The following CYP2C18 variants were observed in gnomAD, a reference collection of about 807,000 sequenced individuals.
CYP2C18 encodes the protein cytochrome P450 2C18.
CYP2C18 carries 38 observed loss-of-function variants against 41.3 expected under a neutral mutation model. The observed-to-expected ratio is 0.92, with a 90% CI of 0.71 to 1.21. The LOEUF (loss-of-function observed/expected upper bound fraction) is 1.21. CYP2C18 is among the 50% of genes most tolerant of loss of function. The pLI, the probability that CYP2C18 is intolerant of heterozygous loss-of-function variation, is 0.00. For synonymous variants in CYP2C18, 236 were observed against 210.0 expected, an observed-to-expected ratio of 1.12 and a Z score of -1.07; for missense variants, 635 against 591.4, an observed-to-expected ratio of 1.07 and a Z score of -0.77.
chr10:94,688,742 TTCAAA>T (rs1260584848), intron 3 of CYP2C18, among the ~76,000 whole-genome samples: 1 of 152,206 alleles, frequency 6.6e-6, no homozygotes. Flanking sequence ...TTGGTTTGTT[TTCAAA>T]TCATTACAGC....
intron 7 of CYP2C18, among the ~76,000 whole-genome samples, chr10:94,731,116 C>T (rs11188066): frequency 0.098 from 14,872 of 152,202 alleles, 1,071 homozygotes; most frequent in East Asian, 0.37. Context: ...TGCGGTGGCT[C>T]ATGCCCATAA....
intron 1 of CYP2C18, 139 bp downstream of exon 1, chr10:94,684,126 T>C (rs1354882647): frequency 1.8e-6 from 1 of 570,668 alleles, no homozygotes; most frequent in East Asian, 3.1e-5. Flanking sequence ...GATACATGTA[T>C]AGATTGTGAA....
chr10:94,728,219 G>T (rs1341464758), intron 7 of CYP2C18, among the ~76,000 whole-genome samples: 2 of 151,902 alleles, frequency 1.3e-5, no homozygotes, highest in Non-Finnish European at 2.9e-5. Flanking sequence ...GTCTGGTTTT[G>T]TTAGAATTTT....
At chr10:94,713,346 A>G (rs1847474946) in intron 5 of CYP2C18, among the ~76,000 whole-genome samples, 1 of 144,238 alleles carries the variant, frequency 6.9e-6, no homozygotes, top group Admixed American at 7.0e-5. Flanking sequence ...CCCACCCCAC[A>G]ATAGTCCCCC....
At chr10:94,714,030 T>C (rs1171024161) in intron 5 of CYP2C18, among the ~76,000 whole-genome samples, 3 of 152,312 alleles carry the variant, frequency 2.0e-5, no homozygotes, top group African/African-American at 7.2e-5. Flanking sequence ...TGGGGTTGTT[T>C]TTTTTCTTGT....
At chr10:94,690,609 G>A (rs1025955077) in intron 3 of CYP2C18, among the ~76,000 whole-genome samples, 2 of 152,044 alleles carry the variant, frequency 1.3e-5, no homozygotes, top group Non-Finnish European at 2.9e-5. Flanking sequence ...AGAGCTACAA[G>A]GTACCATTCC....
intron 5 of CYP2C18, among the ~76,000 whole-genome samples, chr10:94,708,501 CA>C (rs1589799756): frequency 6.6e-6 from 1 of 152,140 alleles, no homozygotes; most frequent in African/African-American, 2.4e-5. Flanking sequence ...GCTATGTCCT[CA>C]TTACTATATT....
chr10:94,731,076 A>G (rs1847823581), intron 7 of CYP2C18, among the ~76,000 whole-genome samples: 1 of 152,180 alleles, frequency 6.6e-6, no homozygotes, highest in African/African-American at 2.4e-5. Flanking sequence ...GGAAGAATCA[A>G]TACTGTTAAA....
chr10:94,703,396 C>T (rs1221306648), intron 4 of CYP2C18, among the ~76,000 whole-genome samples: 1 of 152,216 alleles, frequency 6.6e-6, no homozygotes, highest in East Asian at 1.9e-4. Flanking sequence ...TAGTCCCCTA[C>T]TGGGGCTGCT....
intron 5 of CYP2C18, among the ~76,000 whole-genome samples, chr10:94,708,076 C>A (rs1847373912): frequency 6.6e-6 from 1 of 152,170 alleles, no homozygotes; most frequent in South Asian, 2.1e-4. Context: ...TTTTATTCAA[C>A]CGCTTTACAG....
chr10:94,722,137 C>A (rs1183871049), intron 6 of CYP2C18, among the ~76,000 whole-genome samples: 3 of 152,024 alleles, frequency 2.0e-5, no homozygotes, highest in African/African-American at 7.2e-5. Context: ...CTGAGAAAAT[C>A]TGTATAGTCT....
intron 1 of CYP2C18, among the ~76,000 whole-genome samples, chr10:94,684,714 T>A (rs1846852316): frequency 6.6e-6 from 1 of 152,146 alleles, no homozygotes; most frequent in South Asian, 2.1e-4. Context: ...GGGTATATAC[T>A]GGTAGTGGGA....
At chr10:94,733,256 G>A (rs779584079) in intron 7 of CYP2C18, 41 bp from the exon 8 acceptor site, 21 of 1,587,662 alleles carry the variant, frequency 1.3e-5, no homozygotes, top group Non-Finnish European at 1.5e-5. Flanking sequence ...CCCACTCTTT[G>A]ACTTCTTTAT....
chr10:94,698,999 C>A (rs1004599474), intron 4 of CYP2C18, among the ~76,000 whole-genome samples: 1 of 151,994 alleles, frequency 6.6e-6, no homozygotes, highest in Non-Finnish European at 1.5e-5. Flanking sequence ...AACTTACCAA[C>A]CAAAAAAAGT....
rs777351687 is a variant in CYP2C18, at chr10:94,683,967, A to G, written c.148A>G (p.Met50Val). 5.6e-6 allele frequency: 9 copies of G among 1,607,756 alleles called. No individual in the cohort carries two copies. Among genetic ancestry groups the G allele is most frequent in the Non-Finnish European group, 5.9e-6 (7 of 1,177,058 alleles). Residue 50 changes from methionine to valine, a missense_variant, in exon 1 of 9, where the codon ATG (methionine) becomes GTG (valine). Coordinates refer to ENST00000285979, the MANE Select transcript of CYP2C18 (RefSeq NM_000772.3). The part of the protein sequence containing the change: ...GNILQLDVKD[M>V]SKSLTNFSKV... ...TATCCTGCAGTTAGATGTTAAGGACATGAGCAAATCCTTAACCAATGTAAG... is the reference window on the plus strand; with the variant it reads ...TATCCTGCAGTTAGATGTTAAGGACGTGAGCAAATCCTTAACCAATGTAAG...
chr10:94,735,602 T>C lies in CYP2C18; in HGVS notation c.*158T>C. The C allele has an allele frequency of 1.4e-6, 1 of 700,878 alleles. No homozygotes were observed. The highest frequency in any genetic ancestry group is 2.4e-6 in the Non-Finnish European group (1 of 417,014). The allele number at this position is 700,878 out of a possible 1,614,324, so 43.4% of individuals were successfully genotyped here. On this transcript the variant is annotated 3_prime_UTR_variant, in exon 9 of 9. Transcript: ENST00000285979. The stretch of plus-strand genomic sequence containing the variant: ...AGATCCAATGAACATCCAACCTCCA[T>C]TAAAGAGAGTTTCTTGGGTCACTTC...
At chr10:94,687,723 C>A in intron 1 of CYP2C18, 47 bp from the exon 2 acceptor site, 2 of 1,544,482 alleles carry the variant, frequency 1.3e-6, no homozygotes, top group Non-Finnish European at 8.8e-7. Context: ...ATATATAGAC[C>A]AAATACTGAG....
intron 4 of CYP2C18, among the ~76,000 whole-genome samples, chr10:94,703,025 C>A (rs191860900): frequency 1.9e-4 from 29 of 152,298 alleles, no homozygotes; most frequent in African/African-American, 6.0e-4. Flanking sequence ...TGCTGGGGGT[C>A]CACTCCAGAC....
chr10:94,701,363 G>T (rs529433976), intron 4 of CYP2C18, among the ~76,000 whole-genome samples: 1 of 151,958 alleles, frequency 6.6e-6, no homozygotes, highest in Admixed American at 6.6e-5. Context: ...GCAAACTATC[G>T]CAAGGACAAA....
Sources: allele counts gnomAD v4.1 joint callset (sites outside exome capture counted in the v4.1 genomes callset), GRCh38; gene constraint gnomAD v4.1.1; transcripts MANE v1.5; gene names NCBI Gene and HGNC (gene_info 2026-07-23, HGNC 2026-07-21).